Variants in FRMPD4 observed in about 807,000 individuals in gnomAD.
The protein encoded by FRMPD4 is FERM and PDZ domain-containing protein 4.
Under a neutral mutation model 94.1 loss-of-function variants are expected in FRMPD4, and 22 were observed. The ratio of observed to expected loss-of-function variants is 0.23; its 90% CI spans 0.17 to 0.33. FRMPD4 has a LOEUF of 0.33. FRMPD4 is among the 10% of genes least tolerant of loss of function. The pLI is 1.00. For synonymous variants in FRMPD4, 631 were observed against 548.6 expected, an observed-to-expected ratio of 1.15 and a Z score of -2.10; for missense variants, 1,111 against 1,339.9, an observed-to-expected ratio of 0.83 and a Z score of 2.67.
intron 1 of FRMPD4, among the ~76,000 whole-genome samples, chrX:12,477,118 T>C (rs2057611392): frequency 8.9e-6 from 1 of 111,893 alleles, no homozygotes; most frequent in Non-Finnish European, 1.9e-5. Flanking sequence ...TGGAATACTA[T>C]GCAGCCATAA....
intron 1 of FRMPD4, among the ~76,000 whole-genome samples, chrX:12,167,226 G>A (rs1018934601): frequency 1.8e-5 from 2 of 111,935 alleles, no homozygotes; most frequent in African/African-American, 6.5e-5. Flanking sequence ...TGCTTTAAAT[G>A]TGTCCCAGAG....
chrX:12,359,593 G>A (rs775645360), intron 1 of FRMPD4, among the ~76,000 whole-genome samples: 15 of 109,039 alleles, frequency 1.4e-4, no homozygotes, highest in South Asian at 1.2e-3. Context: ...TCAGCCTCCC[G>A]AGTGTAGCTG....
chrX:12,102,604 A>G (rs1403456624), intron 3 of FRMPD4, among the ~76,000 whole-genome samples: 1 of 111,428 alleles, frequency 9.0e-6, no homozygotes, highest in Non-Finnish European at 1.9e-5. Context: ...AACATGTTTT[A>G]GATTCCCAGT....
At chrX:12,041,657 G>A (rs1352757761) in intron 3 of FRMPD4, among the ~76,000 whole-genome samples, 1 of 103,745 alleles carries the variant, frequency 9.6e-6, no homozygotes, top group Admixed American at 1.0e-4. Flanking sequence ...CTTACTTGGG[G>A]CTGATTGAGC....
chrX:12,064,033 T>A (rs1381550086), intron 3 of FRMPD4, among the ~76,000 whole-genome samples: 5 of 111,996 alleles, frequency 4.5e-5, no homozygotes, highest in African/African-American at 1.3e-4. Context: ...GAGTTTCCAG[T>A]GAACCTTCCA....
intron 3 of FRMPD4, among the ~76,000 whole-genome samples, chrX:11,994,056 T>C (rs2054481730): frequency 9.0e-6 from 1 of 111,404 alleles, no homozygotes; most frequent in Non-Finnish European, 1.9e-5. Flanking sequence ...CCAGTGCTTC[T>C]CAACTGAGTG....
intron 4 of FRMPD4, among the ~76,000 whole-genome samples, chrX:12,644,590 C>T (rs1292205618): frequency 9.0e-6 from 1 of 111,162 alleles, no homozygotes; most frequent in Non-Finnish European, 1.9e-5. Flanking sequence ...TTCACCTTCC[C>T]ATCTAGGTAG....
At chrX:12,323,011 G>C (rs1294072925) in intron 1 of FRMPD4, among the ~76,000 whole-genome samples, 1 of 111,776 alleles carries the variant, frequency 8.9e-6, no homozygotes, top group Non-Finnish European at 1.9e-5. Context: ...ACTATGCTAT[G>C]AACGTTTTAT....
intron 3 of FRMPD4, among the ~76,000 whole-genome samples, chrX:11,925,151 A>C (rs2054079439): frequency 9.1e-6 from 1 of 110,490 alleles, no homozygotes; most frequent in African/African-American, 3.3e-5. Flanking sequence ...AAAAAAAAAA[A>C]AACATGAAGA....
chrX:12,283,955 G>A (rs754263856), intron 1 of FRMPD4, among the ~76,000 whole-genome samples: 5 of 111,073 alleles, frequency 4.5e-5, no homozygotes, highest in African/African-American at 1.6e-4. Context: ...TAGGTGTTAA[G>A]AGAAAAAAAA....
chrX:11,923,090 T>C (rs980492482), intron 3 of FRMPD4, among the ~76,000 whole-genome samples: 2 of 112,833 alleles, frequency 1.8e-5, no homozygotes, highest in African/African-American at 6.4e-5. Context: ...TCCCTCCCCA[T>C]ACTTCAGCTT....
At chrX:12,149,107 C>G (rs541413079) in intron 1 of FRMPD4, 1 of 111,778 alleles carries the variant, frequency 8.9e-6, no homozygotes, top group Admixed American at 9.5e-5. Context: ...ACTTCCAAGT[C>G]TCATTATTTA....
chrX:12,550,890 C>A (rs2058529781), intron 2 of FRMPD4, among the ~76,000 whole-genome samples: 1 of 104,979 alleles, frequency 9.5e-6, no homozygotes. Flanking sequence ...TAATATATTC[C>A]CTTTTATATT....
At chrX:12,091,235 G>C (rs2055151288) in intron 3 of FRMPD4, among the ~76,000 whole-genome samples, 1 of 101,474 alleles carries the variant, frequency 9.9e-6, no homozygotes, top group Non-Finnish European at 2.1e-5. Flanking sequence ...TTGTATCAGT[G>C]ATAAGCAGCT....
chrX:12,367,657 G>A (rs1481349685), intron 1 of FRMPD4, among the ~76,000 whole-genome samples: 5 of 111,080 alleles, frequency 4.5e-5, no homozygotes, highest in African/African-American at 1.6e-4. Flanking sequence ...ATAACCATGA[G>A]GGAAAGGAGA....
intron 2 of FRMPD4, among the ~76,000 whole-genome samples, chrX:12,551,073 TTG>T (rs1456297848): frequency 2.7e-5 from 3 of 111,070 alleles, no homozygotes; most frequent in East Asian, 2.8e-4. Context: ...TCTGAGCATG[TTG>T]TCTTAGTTTA....
chrX:12,343,617 T>C (rs1481113179), intron 1 of FRMPD4, among the ~76,000 whole-genome samples: 1 of 112,102 alleles, frequency 8.9e-6, no homozygotes, highest in African/African-American at 3.2e-5. Flanking sequence ...ACTAGGAGCA[T>C]ATTCCATTTG....
At chrX:12,342,516 T>G (rs2055631539) in intron 1 of FRMPD4, among the ~76,000 whole-genome samples, 1 of 111,555 alleles carries the variant, frequency 9.0e-6, no homozygotes, top group African/African-American at 3.3e-5. Context: ...CGGGTGGGTG[T>G]GGTCTATTCT....
In FRMPD4 at chrX:11,988,287, A is replaced by G. The variant is rs1372310223; in HGVS notation, c.95+110269A>G. On this transcript the variant is annotated intron_variant, in intron 3 of 18. Transcript: ENST00000640291. Reference sequence around the variant, plus strand: ...AGAGAACCCAGAAATAAATCCATGTACCTACAGGGAACTCATTTTCTACAA... The same window carrying G: ...AGAGAACCCAGAAATAAATCCATGTGCCTACAGGGAACTCATTTTCTACAA... Among the ~76,000 whole-genome samples the G allele has an allele frequency of 7.3e-5, 8 of 109,753 alleles. No homozygotes were observed. The Admixed American group carries it at 7.8e-4, about 11-fold the overall frequency.
Sources: allele counts gnomAD v4.1 joint callset (sites outside exome capture counted in the v4.1 genomes callset), GRCh38; gene constraint gnomAD v4.1.1; transcripts MANE v1.5; gene names NCBI Gene and HGNC (gene_info 2026-07-23, HGNC 2026-07-21).